Variants in KCNIP4 observed in about 807,000 individuals in gnomAD.
KCNIP4 encodes the protein potassium voltage-gated channel interacting protein 4.
KCNIP4 carries 12 observed loss-of-function variants against 34.0 expected under a neutral mutation model. The ratio of observed to expected loss-of-function variants is 0.35; its 90% CI spans 0.23 to 0.57. KCNIP4 has a LOEUF of 0.57. Ranked by LOEUF, KCNIP4 falls within the 20% of genes least tolerant of loss-of-function variation. The pLI is 0.83. For synonymous variants in KCNIP4, 124 were observed against 102.2 expected, an observed-to-expected ratio of 1.21 and a Z score of -1.29; for missense variants, 238 against 311.7, an observed-to-expected ratio of 0.76 and a Z score of 1.78.
chr4:21,765,769 G>T (rs1317962121), intron 1 of KCNIP4, among the ~76,000 whole-genome samples: 2 of 141,876 alleles, frequency 1.4e-5, no homozygotes, highest in Non-Finnish European at 1.5e-5. Flanking sequence ...CTGGCTGAGG[G>T]TTCCTTCCAC....
intron 1 of KCNIP4, among the ~76,000 whole-genome samples, chr4:21,187,063 G>A (rs1159260175): frequency 6.6e-6 from 1 of 152,174 alleles, no homozygotes; most frequent in Non-Finnish European, 1.5e-5. Context: ...TTAAGGCAAT[G>A]TGGATATTTT....
At chr4:21,810,045 T>A (rs906665941) in intron 1 of KCNIP4, among the ~76,000 whole-genome samples, 47 of 152,260 alleles carry the variant, frequency 3.1e-4, no homozygotes, top group African/African-American at 1.1e-3. Context: ...AGAGTCTGCA[T>A]TCAGACAGCT....
At chr4:21,464,454 A>G (rs962570977) in intron 1 of KCNIP4, among the ~76,000 whole-genome samples, 1 of 152,016 alleles carries the variant, frequency 6.6e-6, no homozygotes, top group Non-Finnish European at 1.5e-5. Context: ...CAGACCATTG[A>G]TTACTCAAGA....
chr4:21,041,230 TCACACACACACACA>T (rs57664737), intron 1 of KCNIP4, among the ~76,000 whole-genome samples: 2 of 144,650 alleles, frequency 1.4e-5, no homozygotes, highest in African/African-American at 5.1e-5. Context: ...GATATATATT[TCACACACACACACA>T]CACACACACA....
At chr4:20,997,280 T>C (rs1737644319) in intron 1 of KCNIP4, among the ~76,000 whole-genome samples, 1 of 152,180 alleles carries the variant, frequency 6.6e-6, no homozygotes, top group Admixed American at 6.5e-5. Context: ...TGTAATGGTC[T>C]ATACCAGATG....
intron 1 of KCNIP4, among the ~76,000 whole-genome samples, chr4:21,158,996 A>G (rs1158553954): frequency 5.9e-5 from 9 of 152,192 alleles, no homozygotes; most frequent in Admixed American, 5.9e-4. Flanking sequence ...AGCTTCATAA[A>G]TTGATAACTT....
chr4:21,720,745 T>C (rs1714772574), intron 1 of KCNIP4, among the ~76,000 whole-genome samples: 1 of 146,248 alleles, frequency 6.8e-6, no homozygotes, highest in Admixed American at 6.9e-5. Flanking sequence ...GTGTTCTCAT[T>C]GTTCAATTCC....
intron 1 of KCNIP4, among the ~76,000 whole-genome samples, chr4:21,647,862 GCT>G (rs1747140042): frequency 9.2e-6 from 1 of 108,264 alleles, no homozygotes; most frequent in African/African-American, 3.8e-5. Context: ...CTACAATGAT[GCT>G]TTTTTTTTTT....
At chr4:21,271,530 G>C (rs1299299602) in intron 1 of KCNIP4, among the ~76,000 whole-genome samples, 1 of 152,020 alleles carries the variant, frequency 6.6e-6, no homozygotes. Flanking sequence ...GATAGTTCTT[G>C]GAAACAATTT....
chr4:20,929,760 C>G (rs1041078743), intron 1 of KCNIP4, among the ~76,000 whole-genome samples: 2 of 151,758 alleles, frequency 1.3e-5, no homozygotes, highest in African/African-American at 4.8e-5. Flanking sequence ...GAAAAAGACG[C>G]TTTAAAATCC....
intron 1 of KCNIP4, among the ~76,000 whole-genome samples, chr4:21,298,062 T>A (rs1763942326): frequency 6.6e-6 from 1 of 152,166 alleles, no homozygotes; most frequent in Non-Finnish European, 1.5e-5. Context: ...ACTTCTAGTT[T>A]ATTCATCTGC....
intron 1 of KCNIP4, among the ~76,000 whole-genome samples, chr4:20,991,473 C>A (rs980410997): frequency 1.3e-5 from 2 of 152,110 alleles, no homozygotes; most frequent in South Asian, 4.2e-4. Context: ...AAGAAACAGG[C>A]AATTCTTTAC....
At chr4:20,736,980 T>G (rs1749766113) in intron 5 of KCNIP4, among the ~76,000 whole-genome samples, 1 of 152,138 alleles carries the variant, frequency 6.6e-6, no homozygotes, top group South Asian at 2.1e-4. Flanking sequence ...AGAATAGAAT[T>G]GAGTCTAGAT....
chr4:21,898,839 C>T (rs1268455085), intron 1 of KCNIP4, among the ~76,000 whole-genome samples: 1 of 152,120 alleles, frequency 6.6e-6, no homozygotes, highest in East Asian at 1.9e-4. Flanking sequence ...AACAAGTACA[C>T]TCATGTGGTC....
At chr4:21,584,297 A>C (rs1432479356) in intron 1 of KCNIP4, among the ~76,000 whole-genome samples, 1 of 152,088 alleles carries the variant, frequency 6.6e-6, no homozygotes, top group African/African-American at 2.4e-5. Flanking sequence ...TTGAAAACAA[A>C]ATTAATTTAG....
intron 1 of KCNIP4, among the ~76,000 whole-genome samples, chr4:20,917,280 G>A (rs897016957): frequency 1.3e-5 from 2 of 151,234 alleles, no homozygotes; most frequent in South Asian, 2.1e-4. Flanking sequence ...CACCTACCTC[G>A]GCCTCCCAAA....
Position 20,882,689 on chromosome 4 carries a change from T to C in KCNIP4, c.82A>G (p.Ser28Gly). The C allele has an allele frequency of 6.2e-7, 1 of 1,613,564 alleles. No homozygotes were observed. Among genetic ancestry groups the C allele is most frequent in the South Asian group, 1.1e-5 (1 of 91,062 alleles). Residue 28 changes from serine (S) to glycine (G), a missense_variant, in exon 2 of 9, where the codon AGC becomes GGC. Ser to Gly is a moderately conservative substitution (Grantham distance 56, BLOSUM62 0). Coordinates refer to ENST00000382152, the MANE Select transcript of KCNIP4 (RefSeq NM_025221.6). ...STGGFLYAQNSTKRSIKERLM... is the reference protein window; with the variant it reads ...STGGFLYAQNGTKRSIKERLM... ...CGCTCTTTAATGCTGCGCTTGGTGC[T>C]GTTCTGAGCGTACAGGAAACCTAGA...
chr4:21,036,178 A>G (rs1741426632), intron 1 of KCNIP4, among the ~76,000 whole-genome samples: 1 of 152,224 alleles, frequency 6.6e-6, no homozygotes, highest in Non-Finnish European at 1.5e-5. Context: ...TATGCCTTCT[A>G]CATATACTGT....
At chr4:21,832,747 C>T (rs1316873035) in intron 1 of KCNIP4, among the ~76,000 whole-genome samples, 2 of 117,386 alleles carry the variant, frequency 1.7e-5, no homozygotes, top group East Asian at 6.2e-4. Context: ...CCCCTCCCCC[C>T]ACCCCACAAC....
Sources: allele counts gnomAD v4.1 joint callset (sites outside exome capture counted in the v4.1 genomes callset), GRCh38; gene constraint gnomAD v4.1.1; transcripts MANE v1.5; gene names NCBI Gene and HGNC (gene_info 2026-07-23, HGNC 2026-07-21).